NTRK2: variants seen among roughly 807,000 people sequenced by gnomAD.
The protein encoded by NTRK2 is BDNF/NT-3 growth factors receptor.
NTRK2 carries 13 observed loss-of-function variants against 94.5 expected under a neutral mutation model. That is an observed-to-expected ratio of 0.14 (90% CI 0.09 to 0.22). The LOEUF is 0.22. Ranked by LOEUF, NTRK2 falls within the 10% of genes least tolerant of loss-of-function variation. The pLI is 1.00. For missense variants in NTRK2, 639 were observed against 1,071.2 expected (o/e 0.60, Z 5.63); for synonymous variants, 372 against 407.4 (o/e 0.91, Z 1.05).
At chr9:84,926,263 A>C (rs2077815963) in intron 14 of NTRK2, among the ~76,000 whole-genome samples, 1 of 133,616 alleles carries the variant, frequency 7.5e-6, no homozygotes, top group Non-Finnish European at 1.6e-5. Context: ...ATGGAGTTTC[A>C]CTCTTGTTGC....
At chr9:84,853,621 T>C (rs188464330) in intron 12 of NTRK2, among the ~76,000 whole-genome samples, 5 of 152,318 alleles carry the variant, frequency 3.3e-5, no homozygotes, top group Non-Finnish European at 2.9e-5. Context: ...ATTCCACAAG[T>C]GTTTATTGAG....
chr9:84,702,201 T>C lies in NTRK2; in HGVS notation c.255T>C (p.Asp85=). ...NQKRLEIINE[D]DVEAYVGLRN... ...AAAGGTTAGAAATCATCAACGAAGA[T>C]GATGTTGAAGCTTATGTGGGACTGA... The change falls in exon 3 of 19, where the codon GAT becomes GAC. Residue 85 remains aspartate (D), a synonymous_variant. Coordinates refer to ENST00000277120, the MANE Select transcript of NTRK2 (RefSeq NM_006180.6). The C allele has an allele frequency of 6.2e-7, 1 of 1,614,204 alleles. No individual in the cohort carries two copies. The highest frequency in any genetic ancestry group is 8.5e-7 in the Non-Finnish European group (1 of 1,180,042).
At position 84,697,096 on chromosome 9, in the gene NTRK2, C is replaced by T. The variant is rs2060427558; in HGVS notation, c.213-5063C>T. On this transcript the variant is annotated intron_variant, in intron 2 of 18. Coordinates refer to ENST00000277120, the MANE Select transcript of NTRK2 (RefSeq NM_006180.6). ...AGGGACTGACGAGGTGAGAGAAATTCCTAAGGAGTACCAAATGAAACAAAA... is the reference window on the plus strand; with the variant it reads ...AGGGACTGACGAGGTGAGAGAAATTTCTAAGGAGTACCAAATGAAACAAAA... Among the ~76,000 whole-genome samples the T allele has an allele frequency of 2.0e-5, 3 of 152,080 alleles. No homozygotes were observed. In the South Asian group the frequency reaches 6.2e-4, roughly 32 times the overall value.
intron 17 of NTRK2, among the ~76,000 whole-genome samples, chr9:84,958,421 C>T (rs1229143860): frequency 6.6e-6 from 1 of 152,178 alleles, no homozygotes; most frequent in Non-Finnish European, 1.5e-5. Context: ...GAAAATCCTC[C>T]ACTTAGGTGG....
At chr9:84,794,828 C>T (rs2069116520) in intron 12 of NTRK2, among the ~76,000 whole-genome samples, 1 of 152,120 alleles carries the variant, frequency 6.6e-6, no homozygotes. Flanking sequence ...AAAGAAATCA[C>T]AGAAATCTCA....
At chr9:84,966,607 AT>A (rs1825586435) in intron 17 of NTRK2, among the ~76,000 whole-genome samples, 1 of 151,974 alleles carries the variant, frequency 6.6e-6, no homozygotes, top group African/African-American at 2.4e-5. Context: ...AAATTTTTGT[AT>A]TTTTAGTAGA....
At chr9:84,798,138 T>C (rs961282284) in intron 12 of NTRK2, among the ~76,000 whole-genome samples, 1 of 151,314 alleles carries the variant, frequency 6.6e-6, no homozygotes, top group Non-Finnish European at 1.5e-5. Context: ...TGAGGGCCCA[T>C]TTTCTGGTTC....
At chr9:84,936,426 G>A (rs1452903131) in intron 15 of NTRK2, among the ~76,000 whole-genome samples, 41 of 152,166 alleles carry the variant, frequency 2.7e-4, no homozygotes, top group Non-Finnish European at 5.4e-4. Context: ...AGCTGGGTTG[G>A]CATTAAAAGA....
At chr9:84,960,715 A>G (rs1824812621) in intron 17 of NTRK2, among the ~76,000 whole-genome samples, 1 of 152,180 alleles carries the variant, frequency 6.6e-6, no homozygotes, top group South Asian at 2.1e-4. Flanking sequence ...GCTCACAAAT[A>G]TGTGATTTTT....
chr9:84,798,990 C>T (rs530386644), intron 12 of NTRK2, among the ~76,000 whole-genome samples: 54 of 148,144 alleles, frequency 3.6e-4, no homozygotes, highest in Admixed American at 6.9e-4. Flanking sequence ...ATCATTAGCT[C>T]CATTTTATAG....
At chr9:84,803,197 G>A (rs1375955944) in intron 12 of NTRK2, among the ~76,000 whole-genome samples, 1 of 152,170 alleles carries the variant, frequency 6.6e-6, no homozygotes, top group Non-Finnish European at 1.5e-5. Context: ...CTGAGATGAT[G>A]GAAGTTCTAC....
chr9:84,712,718 G>T (rs536735328), intron 6 of NTRK2, among the ~76,000 whole-genome samples: 1 of 152,124 alleles, frequency 6.6e-6, no homozygotes, highest in South Asian at 2.1e-4. Context: ...TGTTGCAAAA[G>T]TAATTTCCTA....
intron 12 of NTRK2, among the ~76,000 whole-genome samples, chr9:84,797,899 A>G (rs928176881): frequency 2.4e-5 from 3 of 124,300 alleles, no homozygotes; most frequent in Non-Finnish European, 4.8e-5. Flanking sequence ...TATTATTACT[A>G]TAATAATTAC....
At chr9:84,843,497 G>A (rs1264069533) in intron 12 of NTRK2, among the ~76,000 whole-genome samples, 1 of 152,168 alleles carries the variant, frequency 6.6e-6, no homozygotes, top group East Asian at 1.9e-4. Flanking sequence ...GGTTTGAATG[G>A]TTGTGATGGT....
intron 2 of NTRK2, among the ~76,000 whole-genome samples, chr9:84,698,303 C>T (rs984404103): frequency 2.6e-5 from 4 of 152,008 alleles, no homozygotes; most frequent in African/African-American, 4.8e-5. Context: ...ATGTACGTAT[C>T]AGTATACAAT....
At chr9:84,974,743 C>A (rs1296636853) in intron 17 of NTRK2, among the ~76,000 whole-genome samples, 1 of 152,180 alleles carries the variant, frequency 6.6e-6, no homozygotes, top group Non-Finnish European at 1.5e-5. Context: ...TTGGTTTCCA[C>A]CTTTGTAGGT....
At chr9:84,698,383 TA>T (rs398046591) in intron 2 of NTRK2, among the ~76,000 whole-genome samples, 2 of 100,174 alleles carry the variant, frequency 2.0e-5, no homozygotes, top group East Asian at 7.1e-4. Flanking sequence ...TGATTTAATC[TA>T]ATATATATAT....
chr9:84,713,753 G>T (rs1331927868), intron 6 of NTRK2, among the ~76,000 whole-genome samples: 1 of 152,100 alleles, frequency 6.6e-6, no homozygotes. Flanking sequence ...CTGATGAGAA[G>T]TCTGAGGTCA....
chr9:84,854,933 C>T (rs1000468248), intron 12 of NTRK2, among the ~76,000 whole-genome samples: 8 of 110,934 alleles, frequency 7.2e-5, no homozygotes, highest in Non-Finnish European at 9.9e-5. Flanking sequence ...GCCAACAGAG[C>T]GAGACTCCGT....
Sources: allele counts gnomAD v4.1 joint callset (sites outside exome capture counted in the v4.1 genomes callset), GRCh38; gene constraint gnomAD v4.1.1; transcripts MANE v1.5; gene names NCBI Gene and HGNC (gene_info 2026-07-23, HGNC 2026-07-21).